The following ZDHHC7 variants were observed in gnomAD, a reference collection of about 807,000 sequenced individuals.
The protein encoded by ZDHHC7 is zDHHC palmitoyltransferase 7, also known as palmitoyltransferase ZDHHC7.
A neutral mutation model predicts 34.1 loss-of-function variants in ZDHHC7; 12 were observed. That is an observed-to-expected ratio of 0.35 (90% CI 0.23 to 0.57). ZDHHC7 has a LOEUF of 0.57. Among genes scored for constraint, ZDHHC7 ranks in the 20% least tolerant of loss-of-function variants. The pLI is 0.84. For synonymous variants in ZDHHC7, 185 were observed against 155.4 expected (o/e 1.19, Z -1.42); for missense variants, 388 against 402.7 (o/e 0.96, Z 0.31).
intron 1 of ZDHHC7, among the ~76,000 whole-genome samples, chr16:85,004,490 G>A (rs1025173484): frequency 6.6e-6 from 1 of 152,016 alleles, no homozygotes; most frequent in East Asian, 1.9e-4. Context: ...CCCTCCCTAA[G>A]CTCATGCAAT....
intron 1 of ZDHHC7, among the ~76,000 whole-genome samples, chr16:85,008,267 GCAATCAAT>G (rs756353127): frequency 1.6e-4 from 24 of 152,076 alleles, no homozygotes; most frequent in Non-Finnish European, 2.9e-4. Flanking sequence ...AACCATGTGG[GCAATCAAT>G]CAATCAATCA....
At chr16:84,979,393 C>A in intron 4 of ZDHHC7, 108 bp from the exon 5 acceptor site, 1 of 1,381,672 alleles carries the variant, frequency 7.2e-7, no homozygotes, top group African/African-American at 1.5e-5. Context: ...TATTCTAATA[C>A]AACATGTCAA....
intron 1 of ZDHHC7, among the ~76,000 whole-genome samples, chr16:84,998,622 G>A (rs539879974): frequency 2.0e-5 from 3 of 152,158 alleles, no homozygotes; most frequent in South Asian, 4.1e-4. Context: ...AGGTCCCTGT[G>A]CCCATCACAC....
chr16:84,988,743 T>G, intron 3 of ZDHHC7: 1 of 1,549,984 alleles, frequency 6.5e-7, no homozygotes, highest in African/African-American at 1.4e-5. Flanking sequence ...CCCTCCCCCA[T>G]GTGCCTACCC....
intron 1 of ZDHHC7, among the ~76,000 whole-genome samples, chr16:85,004,045 T>C (rs1402147629): frequency 2.6e-5 from 4 of 152,022 alleles, no homozygotes; most frequent in Admixed American, 2.6e-4. Flanking sequence ...AAAAGATATC[T>C]GGAAAACTCT....
chr16:84,996,309 A>G (rs2072575727), intron 1 of ZDHHC7, among the ~76,000 whole-genome samples: 1 of 152,208 alleles, frequency 6.6e-6, no homozygotes, highest in African/African-American at 2.4e-5. Context: ...CCTAGGGCAG[A>G]CCAAATCTGG....
At chr16:85,011,091 A>ATT (rs1009758849) in intron 1 of ZDHHC7, among the ~76,000 whole-genome samples, 195 bp downstream of exon 1, 1 of 152,234 alleles carries the variant, frequency 6.6e-6, no homozygotes, top group African/African-American at 2.4e-5. Flanking sequence ...CAACTAAGGA[A>ATT]TGACAAGGGG....
the ZDHHC7 span, among the ~76,000 whole-genome samples, chr16:85,018,525 G>A: frequency 2.6e-5 from 4 of 151,466 alleles, no homozygotes; most frequent in African/African-American, 7.3e-5. Context: ...TCAGCTCACC[G>A]CAACCTCCAT....
At chr16:85,009,249 A>G (rs939957000) in intron 1 of ZDHHC7, among the ~76,000 whole-genome samples, 2 of 152,082 alleles carry the variant, frequency 1.3e-5, no homozygotes, top group African/African-American at 4.8e-5. Flanking sequence ...ATATCAACAA[A>G]GCATCCAAGC....
intron 2 of ZDHHC7, among the ~76,000 whole-genome samples, chr16:84,995,008 C>G (rs1319319542): frequency 6.6e-6 from 1 of 152,056 alleles, no homozygotes; most frequent in Non-Finnish European, 1.5e-5. Flanking sequence ...AATCTAAAAG[C>G]AAACAGCACA....
intron 1 of ZDHHC7, among the ~76,000 whole-genome samples, chr16:84,999,615 G>A (rs9921807): frequency 6.6e-6 from 1 of 152,166 alleles, no homozygotes; most frequent in Non-Finnish European, 1.5e-5. Flanking sequence ...AGACACGGAA[G>A]AATATATAGT....
chr16:85,008,658 G>A (rs1450028225), intron 1 of ZDHHC7, among the ~76,000 whole-genome samples: 1 of 151,942 alleles, frequency 6.6e-6, no homozygotes, highest in Non-Finnish European at 1.5e-5. Context: ...CACACAGCAA[G>A]TTGTTAACAC....
chr16:85,001,945 G>A (rs1467695801), intron 1 of ZDHHC7, among the ~76,000 whole-genome samples: 2 of 151,974 alleles, frequency 1.3e-5, no homozygotes, highest in African/African-American at 2.4e-5. Flanking sequence ...TATACAAGAT[G>A]AGCTTGGAGC....
At chr16:84,993,095 G>A (rs2072531417) in intron 2 of ZDHHC7, among the ~76,000 whole-genome samples, 1 of 152,208 alleles carries the variant, frequency 6.6e-6, no homozygotes, top group Non-Finnish European at 1.5e-5. Flanking sequence ...GACTGAGGCA[G>A]AAGGATCATT....
At chr16:84,980,441 A>T (rs1476091273) in intron 4 of ZDHHC7, among the ~76,000 whole-genome samples, 1 of 152,002 alleles carries the variant, frequency 6.6e-6, no homozygotes, top group African/African-American at 2.4e-5. Flanking sequence ...AGGCCGAGGC[A>T]GGTGGATCAC....
intron 7 of ZDHHC7, 79 bp from the exon 8 acceptor site, chr16:84,976,598 G>A (rs888744362): frequency 5.2e-5 from 80 of 1,545,390 alleles, no homozygotes; most frequent in Non-Finnish European, 6.5e-5. Context: ...ATCACACCGT[G>A]CTCAAGCACA....
At chr16:85,002,467 A>G (rs2143722185) in intron 1 of ZDHHC7, among the ~76,000 whole-genome samples, 1 of 152,126 alleles carries the variant, frequency 6.6e-6, no homozygotes, top group East Asian at 1.9e-4. Context: ...GTCTAGTCAT[A>G]AGGAAAATAT....
At chr16:84,982,801 G>C (rs2072387733) in intron 3 of ZDHHC7, among the ~76,000 whole-genome samples, 1 of 152,262 alleles carries the variant, frequency 6.6e-6, no homozygotes, top group Non-Finnish European at 1.5e-5. Flanking sequence ...CCAAGTGCTA[G>C]AGGAGCTGGA....
the ZDHHC7 span, among the ~76,000 whole-genome samples, chr16:85,016,948 C>CTT: frequency 2.8e-3 from 422 of 150,574 alleles, 3 homozygotes; most frequent in African/African-American, 9.8e-3. Flanking sequence ...TTTTCTTTTG[C>CTT]TTTTTTTTTG....
Sources: allele counts gnomAD v4.1 joint callset (sites outside exome capture counted in the v4.1 genomes callset), GRCh38; gene constraint gnomAD v4.1.1; transcripts MANE v1.5; gene names NCBI Gene and HGNC (gene_info 2026-07-23, HGNC 2026-07-21).